The following SCML4 variants were observed in gnomAD, a reference collection of about 807,000 sequenced individuals.
The protein encoded by SCML4 is sex comb on midleg-like protein 4.
A neutral mutation model predicts 41.1 loss-of-function variants in SCML4; 34 were observed. That is an observed-to-expected ratio of 0.83 (90% CI 0.63 to 1.10). The LOEUF (loss-of-function observed/expected upper bound fraction) is 1.10, where lower values mean the gene tolerates loss of function less well. Among genes scored for constraint, SCML4 ranks in the 50% least tolerant of loss-of-function variants. The pLI, the probability that SCML4 is intolerant of heterozygous loss-of-function variation, is 0.00. For synonymous variants in SCML4, 214 were observed against 220.9 expected (o/e 0.97, Z 0.28); for missense variants, 522 against 534.1 (o/e 0.98, Z 0.22).
chr6:107,746,701 C>T lies in SCML4; in HGVS notation c.475G>A (p.Glu159Lys). Residue 159 changes from glutamate to lysine, a missense_variant, in exon 4 of 8, where the codon GAG becomes AAG. By Grantham distance (56) the Glu-to-Lys change is moderately conservative (BLOSUM62 1). Coordinates refer to ENST00000369020, the MANE Select transcript of SCML4 (RefSeq NM_198081.5). ...FSLVKQGYGG[E>K]MVSVSASFDG... is the part of the protein sequence containing the mutation. ...CCCCAGGCCTTACCTGACACCATCT[C>T]ACCACCATAGCCCTGCTTGACCAGG... is the stretch of plus-strand genomic sequence containing the variant. 6.2e-7 allele frequency: 1 copy of T among 1,613,966 alleles called. No individual in the cohort carries two copies. Among genetic ancestry groups the T allele is most frequent in the Non-Finnish European group, 8.5e-7 (1 of 1,179,908 alleles).
chr6:107,749,610 A>C, intron 3 of SCML4, 74 bp downstream of exon 3: 6 of 1,553,236 alleles, frequency 3.9e-6, no homozygotes, highest in Non-Finnish European at 5.3e-6. Flanking sequence ...TTAATCCACA[A>C]AGTAACAATT....
intron 1 of SCML4, among the ~76,000 whole-genome samples, chr6:107,786,010 G>T (rs1220928296): frequency 1.3e-5 from 2 of 152,190 alleles, no homozygotes; most frequent in East Asian, 3.9e-4. Flanking sequence ...GGACATCTAG[G>T]ACAGCTAGGC....
intron 1 of SCML4, among the ~76,000 whole-genome samples, chr6:107,781,065 T>C (rs1781450954): frequency 6.6e-6 from 1 of 152,152 alleles, no homozygotes; most frequent in African/African-American, 2.4e-5. Flanking sequence ...ATTTAGGCGA[T>C]TTTAGTAAGT....
chr6:107,843,683 G>T, the SCML4 span, among the ~76,000 whole-genome samples: 630 of 152,324 alleles, frequency 4.1e-3, 12 homozygotes, highest in African/African-American at 0.014. Flanking sequence ...GATTGTAGAA[G>T]AGCACTGCCC....
At position 107,779,240 on chromosome 6, in the gene SCML4, GAAGCA is replaced by G. The variant is rs1175903740; in HGVS notation, c.-59-6859_-59-6855del. Among the ~76,000 whole-genome samples, 7 of 152,128 alleles carry G rather than the reference GAAGCA, an allele frequency of 4.6e-5. No individual in the cohort carries two copies. The East Asian group carries it at 1.4e-3, about 29-fold the overall frequency. On this transcript the variant is annotated intron_variant, in intron 1 of 7. Transcript: ENST00000369020. ...CCCTCAGATAGTCATTGTCTACAGAGAAGCAAACAAGCAAAGAGGCAATAATAACA... is the reference window on the plus strand; with the variant it reads ...CCCTCAGATAGTCATTGTCTACAGAGAACAAGCAAAGAGGCAATAATAACA...
intron 1 of SCML4, among the ~76,000 whole-genome samples, chr6:107,802,697 C>A (rs1783278510): frequency 7.4e-6 from 1 of 135,136 alleles, no homozygotes; most frequent in African/African-American, 2.9e-5. Flanking sequence ...TCCCCCTCCT[C>A]TCCCTCTCCC....
chr6:107,821,722 C>T (rs1307427936), intron 1 of SCML4, among the ~76,000 whole-genome samples: 4 of 152,120 alleles, frequency 2.6e-5, no homozygotes, highest in Non-Finnish European at 5.9e-5. Flanking sequence ...GGGCACATCC[C>T]GGCTCCCTGG....
In SCML4 at chr6:107,807,067, T is replaced by C. The variant is rs1323691336; in HGVS notation, c.-60+17059A>G. ...TTGATGAAATGTTCCTAAGCTTTTT[T>C]TTTTTTTTTTTGGCTTAATACCCAT... On this transcript the variant is annotated intron_variant, in intron 1 of 7. Transcript: ENST00000369020. 3.2e-3 allele frequency among the ~76,000 whole-genome samples: 485 copies of C among 152,048 alleles called. 2 individuals are homozygous for C. The highest frequency in any genetic ancestry group is 0.011 in the African/African-American group (465 of 41,526).
chr6:107,830,012 G>A, the SCML4 span, among the ~76,000 whole-genome samples: 1 of 152,132 alleles, frequency 6.6e-6, no homozygotes, highest in Non-Finnish European at 1.5e-5. Flanking sequence ...CCTCCATGAT[G>A]GGCTTCACTA....
At position 107,778,225 on chromosome 6, in the gene SCML4, ATATATATATATATATATATATAT is replaced by A. The variant is rs1781183995; in HGVS notation, c.-59-5862_-59-5840del. Among the ~76,000 whole-genome samples the A allele has an allele frequency of 2.0e-3, 13 of 6,344 alleles. 1 individual carries two copies. The highest frequency in any genetic ancestry group is 8.2e-4 in the Non-Finnish European group (2 of 2,450). 4.2% of individuals were successfully genotyped at this position (6,344 alleles called of 152,430 possible). On this transcript the variant is annotated intron_variant, in intron 1 of 7. Coordinates refer to ENST00000369020, the MANE Select transcript of SCML4 (RefSeq NM_198081.5). ...AAAAAAAAAAAAAAAAAAAAAAAAT[ATATATATATATATATATATATAT>A]ATATATATATATATATAACTTGAGA...
intron 1 of SCML4, among the ~76,000 whole-genome samples, chr6:107,817,260 T>C (rs1429229703): frequency 6.6e-6 from 1 of 152,216 alleles, no homozygotes; most frequent in Non-Finnish European, 1.5e-5. Context: ...TTCTCAGCAT[T>C]TGACCTGAAC....
intron 5 of SCML4, among the ~76,000 whole-genome samples, chr6:107,729,506 G>A (rs1323222039): frequency 6.6e-6 from 1 of 152,116 alleles, no homozygotes; most frequent in Non-Finnish European, 1.5e-5. Context: ...TTCCAAATAA[G>A]ATCCCATTTC....
chr6:107,784,621 C>A (rs1470550667), intron 1 of SCML4, among the ~76,000 whole-genome samples: 1 of 152,158 alleles, frequency 6.6e-6, no homozygotes, highest in African/African-American at 2.4e-5. Context: ...TCTCTGCATA[C>A]TCTTTTTTAC....
chr6:107,816,080 C>T (rs953849568), intron 1 of SCML4, among the ~76,000 whole-genome samples: 1 of 152,194 alleles, frequency 6.6e-6, no homozygotes, highest in Admixed American at 6.5e-5. Context: ...CTGCTCAAAC[C>T]AAAGGAGGAA....
At chr6:107,794,278 A>G (rs147177475) in intron 1 of SCML4, among the ~76,000 whole-genome samples, 10 of 152,360 alleles carry the variant, frequency 6.6e-5, no homozygotes, top group Admixed American at 4.6e-4. Context: ...GAGACATTTA[A>G]TAAACTTTCA....
chr6:107,795,570 C>A (rs1021041109), intron 1 of SCML4, among the ~76,000 whole-genome samples: 19 of 152,144 alleles, frequency 1.2e-4, no homozygotes, highest in African/African-American at 4.6e-4. Flanking sequence ...CCCTGTCTCC[C>A]AGGCTTGAGT....
At chr6:107,761,763 A>G (rs1415264985) in intron 2 of SCML4, among the ~76,000 whole-genome samples, 3 of 151,866 alleles carry the variant, frequency 2.0e-5, no homozygotes. Flanking sequence ...ATGTGCTTCA[A>G]GGGAATAACT....
chr6:107,834,860 GC>G, the SCML4 span, among the ~76,000 whole-genome samples: 1 of 151,660 alleles, frequency 6.6e-6, no homozygotes, highest in Non-Finnish European at 1.5e-5. Flanking sequence ...TGGGCAGATC[GC>G]CAGGAGGTCA....
At chr6:107,831,283 T>C in the SCML4 span, among the ~76,000 whole-genome samples, 2 of 151,998 alleles carry the variant, frequency 1.3e-5, no homozygotes, top group Non-Finnish European at 2.9e-5. Flanking sequence ...TGAGGTTCCA[T>C]CTCCCTTTAT....
Sources: gnomAD v4.1 joint callset for allele counts (sites outside exome capture counted in the v4.1 genomes callset) on GRCh38, gnomAD v4.1.1 for gene constraint, MANE v1.5 for transcripts, NCBI Gene and HGNC (gene_info 2026-07-23, HGNC 2026-07-21) for gene names.